Variants in KIAA1549L observed in about 807,000 individuals in gnomAD.
The protein encoded by KIAA1549L is UPF0606 protein KIAA1549L.
Under a neutral mutation model 160.7 loss-of-function variants are expected in KIAA1549L, and 88 were observed. The ratio of observed to expected loss-of-function variants is 0.55; its 90% confidence interval spans 0.46 to 0.65. The LOEUF is 0.65. KIAA1549L is among the 30% of genes least tolerant of loss of function. The probability of loss-of-function intolerance (pLI) is 0.00; values close to 1 mark genes in which losing one functional copy is unlikely to be tolerated. For synonymous variants in KIAA1549L, 950 were observed against 976.7 expected (o/e 0.97, Z 0.51); for missense variants, 2,258 against 2,437.5 (o/e 0.93, Z 1.55).
intron 1 of KIAA1549L, among the ~76,000 whole-genome samples, chr11:33,417,868 C>T (rs1396425354): frequency 6.6e-6 from 1 of 152,192 alleles, no homozygotes; most frequent in Non-Finnish European, 1.5e-5. Context: ...ACCTTCGCCT[C>T]TTGGGTTCCA....
At chr11:33,496,403 A>G (rs1852821065) in intron 1 of KIAA1549L, among the ~76,000 whole-genome samples, 1 of 152,214 alleles carries the variant, frequency 6.6e-6, no homozygotes, top group African/African-American at 2.4e-5. Context: ...GGTCGTCAGC[A>G]GCTGCTATTC....
chr11:33,413,299 C>T (rs1310704831), intron 1 of KIAA1549L, among the ~76,000 whole-genome samples: 7 of 149,558 alleles, frequency 4.7e-5, no homozygotes, highest in African/African-American at 9.9e-5. Flanking sequence ...TAAGGCTGGG[C>T]GTGGTGGCAT....
intron 1 of KIAA1549L, among the ~76,000 whole-genome samples, chr11:33,492,936 G>A (rs1325908105): frequency 6.6e-6 from 1 of 151,890 alleles, no homozygotes; most frequent in African/African-American, 2.4e-5. Context: ...GATACAGCTT[G>A]TATTCGTGAT....
intron 15 of KIAA1549L, among the ~76,000 whole-genome samples, chr11:33,614,531 GATATATAT>G (rs780446812): frequency 0.071 from 1,923 of 27,060 alleles, 489 homozygotes; most frequent in Non-Finnish European, 0.087. Flanking sequence ...AGTGTAACAA[GATATATAT>G]ATATATATAT....
At chr11:33,527,213 C>A (rs1316753684) in intron 1 of KIAA1549L, among the ~76,000 whole-genome samples, 1 of 151,976 alleles carries the variant, frequency 6.6e-6, no homozygotes, top group Non-Finnish European at 1.5e-5. Flanking sequence ...GAAGAGAAAT[C>A]AAAAAGTTTG....
intron 1 of KIAA1549L, among the ~76,000 whole-genome samples, chr11:33,460,572 G>A (rs946373607): frequency 6.6e-6 from 1 of 152,142 alleles, no homozygotes; most frequent in African/African-American, 2.4e-5. Flanking sequence ...CTATGTCCAT[G>A]GATTATATTT....
chr11:33,561,815 T>C, intron 8 of KIAA1549L, 80 bp downstream of exon 8: 1 of 1,019,926 alleles, frequency 9.8e-7, no homozygotes, highest in East Asian at 2.4e-5. Context: ...CATTCATTAA[T>C]AAGATTGGCA....
At position 33,462,190 on chromosome 11, in the gene KIAA1549L, A is replaced by G. The variant is rs78389731; in HGVS notation, c.239-79612A>G. Among the ~76,000 whole-genome samples, 1,227 of 152,284 alleles carry G rather than the reference A, an allele frequency of 8.1e-3. 16 individuals carry two copies. Among genetic ancestry groups the G allele is most frequent in the African/African-American group, 0.028 (1,163 of 41,540 alleles). Reference sequence around the variant, plus strand: ...TCCAGTAAAAAGTAGATGGAGAACAATGCTATGTAGGGAAGATAATTTAAG... The same window carrying G: ...TCCAGTAAAAAGTAGATGGAGAACAGTGCTATGTAGGGAAGATAATTTAAG... On this transcript the variant is annotated intron_variant, in intron 1 of 20. Coordinates refer to ENST00000658780, the MANE Select transcript of KIAA1549L (RefSeq NM_012194.3).
In KIAA1549L at chr11:33,522,354, C is replaced by T. The variant is rs76897814; in HGVS notation, c.239-19448C>T. On this transcript the variant is annotated intron_variant, in intron 1 of 20. Transcript: ENST00000658780. The stretch of plus-strand genomic sequence containing the variant: ...GTAAAACTTACATCTAATCAGTCAT[C>T]GAATATGGAATTAAGAATTAATAAT... 6.9e-3 allele frequency among the ~76,000 whole-genome samples: 1,052 copies of T among 152,136 alleles called. 19 individuals carry two copies. Among genetic ancestry groups the T allele is most frequent in the African/African-American group, 0.025 (1,017 of 41,496 alleles).
At chr11:33,514,379 C>G (rs1423091787) in intron 1 of KIAA1549L, among the ~76,000 whole-genome samples, 1 of 152,232 alleles carries the variant, frequency 6.6e-6, no homozygotes, top group East Asian at 1.9e-4. Flanking sequence ...TTGCAAACCA[C>G]ATTCTTTTTT....
intron 10 of KIAA1549L, among the ~76,000 whole-genome samples, chr11:33,581,398 TG>T (rs1554994413): frequency 1.6e-4 from 1 of 6,212 alleles, no homozygotes; most frequent in Admixed American, 1.6e-3. Context: ...TCTGACAAAT[TG>T]TGTGTGTGTG....
rs369880308 is a variant in KIAA1549L at position 33,645,737 on chromosome 11, C to A, written c.5461C>A (p.Arg1821=). The A allele has an allele frequency of 1.9e-6, 3 of 1,613,970 alleles. No individual in the cohort carries two copies. The highest frequency in any genetic ancestry group is 2.5e-6 in the Non-Finnish European group (3 of 1,179,870). ...ETNIDRVPEP[R]GYSRSRQVKG... ...CAACATTGACAGAGTTCCTGAGCCC[C>A]GGGGCTATTCCAGGTCTCGACAGGT... The change falls in exon 17 of 21, where the codon CGG becomes AGG. Residue 1821 remains arginine (R), a synonymous_variant. Coordinates refer to ENST00000658780, the MANE Select transcript of KIAA1549L (RefSeq NM_012194.3).
intron 1 of KIAA1549L, among the ~76,000 whole-genome samples, chr11:33,386,131 G>C (rs1281660446): frequency 2.0e-5 from 3 of 152,192 alleles, no homozygotes; most frequent in Non-Finnish European, 4.4e-5. Flanking sequence ...TAGAAATAGG[G>C]AGAGTGGACA....
In KIAA1549L at chr11:33,440,120, C is replaced by CTTTTTTTTTTTTTTTTTTTTTTT. The variant is rs201551936; in HGVS notation, c.238+63236_238+63258dup. ...GGTTATTTCCTCACCTATTTTGTTTCTTTTTTTTTTTTTTTTTTTTTTTTT... is the reference window on the plus strand; with the variant it reads ...GGTTATTTCCTCACCTATTTTGTTTCTTTTTTTTTTTTTTTTTTTTTTTTTTTTTTTTTTTTTTTTTTTTTTTT... On this transcript the variant is annotated intron_variant, in intron 1 of 20. Coordinates refer to ENST00000658780, the MANE Select transcript of KIAA1549L (RefSeq NM_012194.3). Among the ~76,000 whole-genome samples the CTTTTTTTTTTTTTTTTTTTTTTT allele has an allele frequency of 3.0e-4, 25 of 83,430 alleles. 6 individuals are homozygous for CTTTTTTTTTTTTTTTTTTTTTTT. Among genetic ancestry groups the CTTTTTTTTTTTTTTTTTTTTTTT allele is most frequent in the Non-Finnish European group, 4.4e-4 (18 of 40,748 alleles). The allele number at this position is 83,430 out of a possible 152,430, so 54.7% of individuals were successfully genotyped here. A position where few individuals can be genotyped will look rare whatever the true frequency, so the allele number is the denominator to read the frequency against.
Position 33,645,774 on chromosome 11 carries a change from C to T in KIAA1549L, c.5498C>T (p.Ser1833Leu). 2 of 1,613,914 alleles carry T rather than the reference C, an allele frequency of 1.2e-6. No individual in the cohort carries two copies. Among genetic ancestry groups the T allele is most frequent in the South Asian group, 1.1e-5 (1 of 91,078 alleles). ...AGGTCTCGACAGGTGAAAGGCCACT[C>T]GGAGACCTCCACACTGAGCTCCCAG... ...YSRSRQVKGH[S>L]ETSTLSSQPS... Residue 1833 changes from serine to leucine, a missense_variant, in exon 17 of 21, where the codon TCG (serine) becomes TTG (leucine). Around this residue, in one of 6 missense-constraint regions of KIAA1549L, gnomAD observed 1,359 missense variants for 1,546.6 expected, o/e 0.88. Coordinates refer to ENST00000658780, the MANE Select transcript of KIAA1549L (RefSeq NM_012194.3).
At chr11:33,601,589 G>T (rs903738457) in intron 13 of KIAA1549L, among the ~76,000 whole-genome samples, 2 of 152,212 alleles carry the variant, frequency 1.3e-5, no homozygotes, top group Non-Finnish European at 2.9e-5. Context: ...TGGCCTCTGA[G>T]AATCCATTAT....
At chr11:33,594,573 A>G (rs1484935428) in intron 12 of KIAA1549L, among the ~76,000 whole-genome samples, 2 of 152,206 alleles carry the variant, frequency 1.3e-5, no homozygotes, top group Non-Finnish European at 2.9e-5. Flanking sequence ...CAGAGCAGCA[A>G]GAAAAACAAA....
intron 17 of KIAA1549L, among the ~76,000 whole-genome samples, chr11:33,647,395 A>AG (rs1207351569): frequency 7.4e-6 from 1 of 135,932 alleles, no homozygotes; most frequent in African/African-American, 2.6e-5. Flanking sequence ...AAAAAAAAAA[A>AG]AAGAATATTC....
intron 1 of KIAA1549L, among the ~76,000 whole-genome samples, chr11:33,447,199 C>T (rs1307704983): frequency 1.3e-5 from 2 of 148,964 alleles, no homozygotes; most frequent in East Asian, 3.9e-4. Context: ...TGGAAAGTCA[C>T]AGAGTTGAGA....
Sources: gnomAD v4.1 joint callset for allele counts (sites outside exome capture counted in the v4.1 genomes callset) on GRCh38, gnomAD v4.1.1 for gene constraint, gnomAD v4.1.1 regional missense constraint, MANE v1.5 for transcripts, NCBI Gene and HGNC (gene_info 2026-07-23, HGNC 2026-07-21) for gene names.